PLCXD3: variants seen among roughly 807,000 people sequenced by gnomAD.
PLCXD3 encodes phosphatidylinositol specific phospholipase C X domain containing 3, also known as PI-PLC X domain-containing protein 3.
A neutral mutation model predicts 25.5 loss-of-function variants in PLCXD3; 19 were observed. The observed-to-expected ratio is 0.75, with a 90% confidence interval of 0.52 to 1.09. PLCXD3 has a LOEUF of 1.09. Ranked by LOEUF, PLCXD3 falls within the 50% of genes least tolerant of loss-of-function variation. The pLI is 0.00. For missense variants in PLCXD3, 411 were observed against 388.1 expected (o/e 1.06, Z -0.50); for synonymous variants, 174 against 137.6 (o/e 1.26, Z -1.85).
Position 41,310,255 on chromosome 5 carries a change from G to T in PLCXD3, c.*3362C>A, listed in dbSNP as rs1211514940. ...AATGATAATGGCAGAAGAAAAATTT[G>T]CTATATTAGTCCTTGAAAATTACAG... On this transcript the variant is annotated 3_prime_UTR_variant, in exon 3 of 3. Coordinates refer to ENST00000377801, the MANE Select transcript of PLCXD3 (RefSeq NM_001005473.3). 2.6e-5 allele frequency: 4 copies of T among 151,990 alleles called. No homozygotes were observed. Among genetic ancestry groups the T allele is most frequent in the Non-Finnish European group, 5.9e-5 (4 of 67,962 alleles). The allele number at this position is 151,990 out of a possible 1,614,324, so 9.4% of individuals were successfully genotyped here.
At chr5:41,324,040 T>C (rs984920916) in intron 2 of PLCXD3, among the ~76,000 whole-genome samples, 2 of 151,982 alleles carry the variant, frequency 1.3e-5, no homozygotes, top group African/African-American at 4.8e-5. Context: ...CAGAGAATAG[T>C]TGGAGCTGTG....
chr5:41,392,187 C>G lies in PLCXD3; in HGVS notation c.104-9653G>C, dbSNP rs563995708. On this transcript the variant is annotated intron_variant, in intron 1 of 2. Coordinates refer to ENST00000377801, the MANE Select transcript of PLCXD3 (RefSeq NM_001005473.3). ...GCTTTGCCACCTGCTGATTGTACAG[C>G]CCCAGGGCATTGAGTGAACATAGCC... Among the ~76,000 whole-genome samples the G allele has an allele frequency of 5.3e-5, 8 of 152,282 alleles. No individual in the cohort carries two copies. In the South Asian group the frequency reaches 1.7e-3, roughly 32 times the overall value.
chr5:41,363,886 T>C (rs964634099), intron 2 of PLCXD3, among the ~76,000 whole-genome samples: 6 of 152,266 alleles, frequency 3.9e-5, no homozygotes, highest in African/African-American at 1.4e-4. Flanking sequence ...CTTTGTCATA[T>C]TTGTTTAAAT....
At chr5:41,424,579 G>C (rs1189610225) in intron 1 of PLCXD3, among the ~76,000 whole-genome samples, 1 of 152,156 alleles carries the variant, frequency 6.6e-6, no homozygotes, top group Non-Finnish European at 1.5e-5. Context: ...CTAAGAACCA[G>C]TTTAGTTTCA....
intron 2 of PLCXD3, among the ~76,000 whole-genome samples, chr5:41,334,015 G>A: frequency 6.6e-6 from 1 of 152,036 alleles, no homozygotes; most frequent in East Asian, 1.9e-4. Context: ...ACCCTTATTT[G>A]CTAAATATTA....
At chr5:41,320,947 C>A (rs1472413035) in intron 2 of PLCXD3, among the ~76,000 whole-genome samples, 1 of 152,134 alleles carries the variant, frequency 6.6e-6, no homozygotes, top group Non-Finnish European at 1.5e-5. Flanking sequence ...ATGAACATAT[C>A]TAAACATAAT....
intron 1 of PLCXD3, among the ~76,000 whole-genome samples, chr5:41,454,843 T>C (rs1030874539): frequency 6.6e-6 from 1 of 151,930 alleles, no homozygotes; most frequent in African/African-American, 2.4e-5. Flanking sequence ...CCTGCCTTCA[T>C]AGACTGGGTA....
At chr5:41,322,703 G>A (rs925611823) in intron 2 of PLCXD3, among the ~76,000 whole-genome samples, 16 of 152,282 alleles carry the variant, frequency 1.1e-4, no homozygotes, top group East Asian at 1.9e-4. Flanking sequence ...GTGGCTGGGC[G>A]TGGTGGCCCA....
At chr5:41,387,658 A>G (rs1561255379) in intron 1 of PLCXD3, among the ~76,000 whole-genome samples, 1 of 152,130 alleles carries the variant, frequency 6.6e-6, no homozygotes, top group Non-Finnish European at 1.5e-5. Context: ...TACTAGTTCT[A>G]TTTTGTAAAT....
chr5:41,420,785 C>T (rs1746801371), intron 1 of PLCXD3, among the ~76,000 whole-genome samples: 1 of 152,202 alleles, frequency 6.6e-6, no homozygotes, highest in Non-Finnish European at 1.5e-5. Flanking sequence ...TTTAGTCTTT[C>T]CTCCAACCCT....
intron 1 of PLCXD3, among the ~76,000 whole-genome samples, chr5:41,416,700 C>G (rs9292806): frequency 0.57 from 86,669 of 152,030 alleles, 25,334 homozygotes; most frequent in South Asian, 0.71. Context: ...TGTTAGTTTT[C>G]AGAATTTGAG....
intron 1 of PLCXD3, among the ~76,000 whole-genome samples, chr5:41,481,323 G>C (rs1030874163): frequency 6.6e-6 from 1 of 152,056 alleles, no homozygotes; most frequent in African/African-American, 2.4e-5. Flanking sequence ...TTTAACAAAT[G>C]GTCACAATTA....
At chr5:41,450,936 C>T (rs1311158197) in intron 1 of PLCXD3, among the ~76,000 whole-genome samples, 7 of 152,002 alleles carry the variant, frequency 4.6e-5, no homozygotes, top group African/African-American at 1.7e-4. Flanking sequence ...GAATAGGAGG[C>T]TGATTATCAA....
chr5:41,330,025 A>T (rs1184594180), intron 2 of PLCXD3, among the ~76,000 whole-genome samples: 1 of 152,020 alleles, frequency 6.6e-6, no homozygotes, highest in Non-Finnish European at 1.5e-5. Context: ...AATTGTGGAT[A>T]ATAAAAAATT....
chr5:41,471,252 T>G (rs1174377952), intron 1 of PLCXD3, among the ~76,000 whole-genome samples: 13 of 152,192 alleles, frequency 8.5e-5, no homozygotes, highest in Non-Finnish European at 1.9e-4. Flanking sequence ...CATCATATTG[T>G]TGAAAGAGGC....
intron 1 of PLCXD3, among the ~76,000 whole-genome samples, chr5:41,503,311 A>G (rs1054562837): frequency 6.6e-6 from 1 of 152,218 alleles, no homozygotes; most frequent in African/African-American, 2.4e-5. Flanking sequence ...TTTCATTTAT[A>G]ATGATAATTA....
chr5:41,504,783 G>A (rs62359169), intron 1 of PLCXD3, among the ~76,000 whole-genome samples: 5,473 of 152,216 alleles, frequency 0.036, 154 homozygotes, highest in Non-Finnish European at 0.054. Context: ...GTAGCCCAGA[G>A]GACTAGTTTA....
intron 1 of PLCXD3, among the ~76,000 whole-genome samples, chr5:41,419,077 G>C (rs1013154306): frequency 6.6e-6 from 1 of 152,014 alleles, no homozygotes; most frequent in South Asian, 2.1e-4. Context: ...CTTCTCACTT[G>C]GTATATGTTA....
intron 1 of PLCXD3, among the ~76,000 whole-genome samples, chr5:41,460,011 G>A (rs1400555296): frequency 6.6e-6 from 1 of 151,904 alleles, no homozygotes; most frequent in Non-Finnish European, 1.5e-5. Flanking sequence ...AAGATCATGT[G>A]TAACAAAGGG....
Sources: allele counts gnomAD v4.1 joint callset (sites outside exome capture counted in the v4.1 genomes callset), GRCh38; gene constraint gnomAD v4.1.1; transcripts MANE v1.5; gene names NCBI Gene and HGNC (gene_info 2026-07-23, HGNC 2026-07-21).